Variants in MB21D2 observed in about 807,000 individuals in gnomAD.
MB21D2 encodes Mab-21 domain containing 2, also known as nucleotidyltransferase MB21D2.
In MB21D2, 9 loss-of-function variants were observed where a neutral mutation model predicts 33.3. The ratio of observed to expected loss-of-function variants is 0.27; its 90% CI spans 0.16 to 0.47. The LOEUF (loss-of-function observed/expected upper bound fraction) is 0.47, where lower values mean the gene tolerates loss of function less well. MB21D2 is among the 20% of genes least tolerant of loss of function. MB21D2 has a pLI of 0.99. For synonymous variants in MB21D2, 241 were observed against 236.3 expected, an observed-to-expected ratio of 1.02 and a Z score of -0.18; for missense variants, 540 against 624.6, an observed-to-expected ratio of 0.86 and a Z score of 1.44.
intron 1 of MB21D2, among the ~76,000 whole-genome samples, chr3:192,818,440 TA>T (rs67428773): frequency 0.2 from 30,387 of 151,998 alleles, 5,341 homozygotes; most frequent in African/African-American, 0.48. Context: ...AACTAGCAGC[TA>T]AAAAAAATGT....
intron 1 of MB21D2, among the ~76,000 whole-genome samples, chr3:192,835,822 CAAG>C (rs966313051): frequency 4.1e-5 from 6 of 146,232 alleles, no homozygotes; most frequent in African/African-American, 7.6e-5. Flanking sequence ...TTTGGAAGAT[CAAG>C]AAGAAGAAAG....
At chr3:192,800,534 T>TA (rs1560224352) in intron 1 of MB21D2, among the ~76,000 whole-genome samples, 2 of 152,246 alleles carry the variant, frequency 1.3e-5, no homozygotes, top group East Asian at 1.9e-4. Flanking sequence ...AATTTTTTTT[T>TA]AAAAAACCCA....
intron 1 of MB21D2, among the ~76,000 whole-genome samples, chr3:192,864,999 A>G (rs1713140333): frequency 6.6e-6 from 1 of 152,204 alleles, no homozygotes; most frequent in African/African-American, 2.4e-5. Flanking sequence ...GACATCTCAG[A>G]TGGTTTTCCC....
intron 1 of MB21D2, among the ~76,000 whole-genome samples, chr3:192,881,190 TAAAAC>T (rs1299028524): frequency 6.6e-6 from 1 of 152,078 alleles, no homozygotes; most frequent in African/African-American, 2.4e-5. Context: ...GATATAAACT[TAAAAC>T]AAAAGCATCC....
intron 1 of MB21D2, among the ~76,000 whole-genome samples, chr3:192,869,326 A>AAGGGAAAAAGGGAAGG (rs1553859834): frequency 1.8e-5 from 2 of 109,014 alleles, no homozygotes; most frequent in Admixed American, 1.8e-4. Flanking sequence ...AGGAGGGAAA[A>AAGGGAAAAAGGGAAGG]AGGGAAGGAG....
At chr3:192,828,885 G>A (rs1019306632) in intron 1 of MB21D2, among the ~76,000 whole-genome samples, 51 of 151,292 alleles carry the variant, frequency 3.4e-4, no homozygotes, top group African/African-American at 1.0e-3. Context: ...TCCTGACCTC[G>A]TGATCCACCC....
intron 1 of MB21D2, among the ~76,000 whole-genome samples, chr3:192,827,325 T>A (rs1577174712): frequency 6.6e-6 from 1 of 152,218 alleles, no homozygotes; most frequent in African/African-American, 2.4e-5. Flanking sequence ...TCCACAGTCG[T>A]TTATTGAAAT....
chr3:192,826,621 T>C (rs1056103190), intron 1 of MB21D2, among the ~76,000 whole-genome samples: 1 of 152,354 alleles, frequency 6.6e-6, no homozygotes, highest in East Asian at 1.9e-4. Context: ...CTAAACCTAG[T>C]TGACCCCATG....
At chr3:192,897,147 G>A (rs1024596955) in intron 1 of MB21D2, among the ~76,000 whole-genome samples, 2 of 152,120 alleles carry the variant, frequency 1.3e-5, no homozygotes, top group Admixed American at 6.5e-5. Context: ...GATCCATGAG[G>A]TATTTATTAG....
intron 1 of MB21D2, among the ~76,000 whole-genome samples, chr3:192,865,172 G>C (rs189189565): frequency 2.0e-5 from 3 of 152,304 alleles, no homozygotes; most frequent in Admixed American, 6.5e-5. Context: ...ACATAATTAT[G>C]TAACCTCCTG....
At chr3:192,855,796 G>A (rs1158970039) in intron 1 of MB21D2, among the ~76,000 whole-genome samples, 1 of 152,170 alleles carries the variant, frequency 6.6e-6, no homozygotes, top group African/African-American at 2.4e-5. Context: ...AGACAGTCTG[G>A]GCATGGTGGC....
chr3:192,886,637 A>G (rs972719839), intron 1 of MB21D2, among the ~76,000 whole-genome samples: 1 of 152,062 alleles, frequency 6.6e-6, no homozygotes, highest in Non-Finnish European at 1.5e-5. Flanking sequence ...CTTCTACCAT[A>G]TGTGTGATTC....
At chr3:192,804,707 G>A (rs947448083) in intron 1 of MB21D2, among the ~76,000 whole-genome samples, 3 of 152,060 alleles carry the variant, frequency 2.0e-5, no homozygotes, top group Non-Finnish European at 2.9e-5. Context: ...AAGGGTACAC[G>A]GTGTGATGAT....
At chr3:192,842,136 G>A (rs914546218) in intron 1 of MB21D2, among the ~76,000 whole-genome samples, 1 of 151,950 alleles carries the variant, frequency 6.6e-6, no homozygotes, top group African/African-American at 2.4e-5. Context: ...GAGGCAGAGA[G>A]GTCAACCAGG....
intron 1 of MB21D2, among the ~76,000 whole-genome samples, chr3:192,816,231 AAGATGGTTCCGAC>A (rs1440685262): frequency 6.6e-6 from 1 of 151,770 alleles, no homozygotes; most frequent in African/African-American, 2.4e-5. Context: ...TTTAAAAAAA[AAGATGGTTCCGAC>A]TTGAGAAAGG....
At chr3:192,888,921 G>A (rs1472564497) in intron 1 of MB21D2, among the ~76,000 whole-genome samples, 1 of 151,992 alleles carries the variant, frequency 6.6e-6, no homozygotes, top group Non-Finnish European at 1.5e-5. Context: ...ACCCAGGCTG[G>A]AGTGCAGTGG....
Position 192,851,491 on chromosome 3 carries a change from G to GTTT in MB21D2, c.212-51844_212-51842dup, listed in dbSNP as rs34763701. On this transcript the variant is annotated intron_variant, in intron 1 of 1. Transcript: ENST00000392452. ...TAAATTGTACACTTTTTTTTTGTCT[G>GTTT]TTTTTTTTTTTTTTTTTTTTGGAGA... 2.7e-3 allele frequency among the ~76,000 whole-genome samples: 265 copies of GTTT among 97,576 alleles called. 5 individuals carry two copies. The highest frequency in any genetic ancestry group is 6.0e-3 in the African/African-American group (134 of 22,456). The allele number at this position is 97,576 out of a possible 152,430, so 64.0% of individuals were successfully genotyped here.
In MB21D2 at chr3:192,887,588, G is replaced by A. The variant is rs1265318929; in HGVS notation, c.211+30042C>T. Among the ~76,000 whole-genome samples the A allele has an allele frequency of 4.6e-5, 7 of 152,114 alleles. 1 individual carries two copies. The highest frequency in any genetic ancestry group is 1.7e-4 in the African/African-American group (7 of 41,432). ...CTAAAATAATCCACGGTGGGGTAGA[G>A]GTTACAGAAAAAACAAAGGTATATG... On this transcript the variant is annotated intron_variant, in intron 1 of 1. Transcript: ENST00000392452.
intron 1 of MB21D2, among the ~76,000 whole-genome samples, chr3:192,869,283 A>AAGGAAGGAAGGAGGGG (rs1713236625): frequency 8.8e-6 from 1 of 113,636 alleles, no homozygotes; most frequent in Non-Finnish European, 1.7e-5. Flanking sequence ...GGAAGGAAGG[A>AAGGAAGGAAGGAGGGG]AGGAGGGGAG....
Sources: gnomAD v4.1 joint callset for allele counts (sites outside exome capture counted in the v4.1 genomes callset) on GRCh38, gnomAD v4.1.1 for gene constraint, MANE v1.5 for transcripts, NCBI Gene and HGNC (gene_info 2026-07-23, HGNC 2026-07-21) for gene names.